The following TTC27 variants were observed in gnomAD, a reference collection of about 807,000 sequenced individuals.
TTC27 encodes tetratricopeptide repeat domain 27, also known as tetratricopeptide repeat protein 27.
Under a neutral mutation model 115.9 loss-of-function variants are expected in TTC27, and 79 were observed. The ratio of observed to expected loss-of-function variants is 0.68; its 90% confidence interval spans 0.57 to 0.82. TTC27 has a LOEUF of 0.82. TTC27 is among the 40% of genes least tolerant of loss of function. The probability of loss-of-function intolerance (pLI) is 0.00; values close to 1 mark genes in which losing one functional copy is unlikely to be tolerated. For missense variants in TTC27, 1,054 were observed against 993.1 expected (o/e 1.06, Z -0.82); for synonymous variants, 401 against 356.0 (o/e 1.13, Z -1.42).
At chr2:32,694,301 A>G (rs906362861) in intron 9 of TTC27, among the ~76,000 whole-genome samples, 1 of 152,254 alleles carries the variant, frequency 6.6e-6, no homozygotes, top group African/African-American at 2.4e-5. Context: ...ATAATTAACT[A>G]TACAGAAACA....
intron 5 of TTC27, among the ~76,000 whole-genome samples, chr2:32,654,481 C>T (rs1010049047): frequency 1.3e-5 from 2 of 152,040 alleles, no homozygotes; most frequent in East Asian, 3.8e-4. Flanking sequence ...TATATGCATA[C>T]ACCTGTGAAA....
At chr2:32,819,660 AT>A (rs1671615571) in intron 19 of TTC27, among the ~76,000 whole-genome samples, 1 of 151,998 alleles carries the variant, frequency 6.6e-6, no homozygotes, top group Non-Finnish European at 1.5e-5. Context: ...CACCTAACAA[AT>A]CATCCAGTCC....
intron 16 of TTC27, among the ~76,000 whole-genome samples, chr2:32,803,577 A>G (rs778060681): frequency 1.3e-5 from 2 of 152,282 alleles, no homozygotes; most frequent in Admixed American, 6.5e-5. Context: ...TTTTCAGATC[A>G]TTAACTTTCT....
chr2:32,819,948 C>G (rs13415289), intron 19 of TTC27, among the ~76,000 whole-genome samples: 32,184 of 152,132 alleles, frequency 0.21, 3,450 homozygotes, highest in Admixed American at 0.26. Flanking sequence ...AACGCACACA[C>G]AAAAACCAAA....
intron 10 of TTC27, among the ~76,000 whole-genome samples, chr2:32,708,892 T>A (rs1242889940): frequency 6.6e-6 from 1 of 152,130 alleles, no homozygotes; most frequent in Non-Finnish European, 1.5e-5. Context: ...ACATACAAAA[T>A]ATGTGTTAAT....
chr2:32,794,442 C>A (rs927489896), intron 16 of TTC27, among the ~76,000 whole-genome samples: 2 of 151,910 alleles, frequency 1.3e-5, no homozygotes, highest in Non-Finnish European at 2.9e-5. Context: ...TAGGACACAG[C>A]GAAAGCATTG....
intron 9 of TTC27, among the ~76,000 whole-genome samples, chr2:32,692,991 T>C (rs1386164533): frequency 6.7e-6 from 1 of 149,090 alleles, no homozygotes; most frequent in African/African-American, 2.5e-5. Context: ...AAAAAAAAAA[T>C]CTATAAAACA....
chr2:32,817,347 G>A, intron 18 of TTC27, 110 bp from the exon 19 acceptor site: 1 of 807,288 alleles, frequency 1.2e-6, no homozygotes, highest in East Asian at 2.7e-5. Context: ...AGGTAGAAGT[G>A]TTTCTAAAGT....
chr2:32,721,390 G>C (rs750692699), intron 10 of TTC27, among the ~76,000 whole-genome samples: 1 of 152,132 alleles, frequency 6.6e-6, no homozygotes. Context: ...GGATTCAGGG[G>C]TTCAAAGAGA....
chr2:32,661,251 G>T (rs1334654942), intron 5 of TTC27, among the ~76,000 whole-genome samples: 2 of 152,088 alleles, frequency 1.3e-5, no homozygotes, highest in African/African-American at 4.8e-5. Context: ...TGGCTATACG[G>T]GCTCTTTTTG....
At chr2:32,728,766 A>G (rs565342365) in intron 10 of TTC27, among the ~76,000 whole-genome samples, 2 of 152,204 alleles carry the variant, frequency 1.3e-5, no homozygotes, top group South Asian at 4.1e-4. Flanking sequence ...TGGGTTCACA[A>G]TAAGTTTAAT....
intron 10 of TTC27, 101 bp downstream of exon 10, chr2:32,703,021 TTCAC>T: frequency 2.5e-6 from 2 of 808,474 alleles, no homozygotes; most frequent in Non-Finnish European, 4.1e-6. Context: ...TGGCTTACAT[TTCAC>T]TCAAATAATT....
intron 5 of TTC27, among the ~76,000 whole-genome samples, chr2:32,655,225 C>T (rs546508989): frequency 6.6e-6 from 1 of 152,058 alleles, no homozygotes; most frequent in African/African-American, 2.4e-5. Context: ...AGTCTGATCT[C>T]ATGATCTGCT....
chr2:32,713,893 G>A (rs1160607814), intron 10 of TTC27, among the ~76,000 whole-genome samples: 1 of 152,114 alleles, frequency 6.6e-6, no homozygotes, highest in Non-Finnish European at 1.5e-5. Context: ...TACCTGATAA[G>A]TAATTTTTCA....
chr2:32,775,398 C>T (rs1023225522), intron 13 of TTC27, among the ~76,000 whole-genome samples: 14 of 152,122 alleles, frequency 9.2e-5, no homozygotes, highest in African/African-American at 3.1e-4. Context: ...TGGGGTTTCA[C>T]CGTGTTAGCC....
At chr2:32,820,448 T>A (rs1268177977) in intron 19 of TTC27, among the ~76,000 whole-genome samples, 1 of 152,206 alleles carries the variant, frequency 6.6e-6, no homozygotes, top group Non-Finnish European at 1.5e-5. Context: ...TTTATATGAA[T>A]TTGAACATAG....
At chr2:32,782,188 T>C (rs1670200606) in intron 14 of TTC27, among the ~76,000 whole-genome samples, 1 of 152,178 alleles carries the variant, frequency 6.6e-6, no homozygotes, top group Admixed American at 6.5e-5. Context: ...ATGGATGAAA[T>C]ACTTAGTAGT....
chr2:32,789,380 A>G (rs1302112214), intron 16 of TTC27, among the ~76,000 whole-genome samples: 2 of 152,210 alleles, frequency 1.3e-5, no homozygotes, highest in East Asian at 3.8e-4. Context: ...CTCAGGATGA[A>G]AAAACATTCT....
chr2:32,646,676 G>A (rs1664875521), intron 4 of TTC27, among the ~76,000 whole-genome samples: 1 of 145,804 alleles, frequency 6.9e-6, no homozygotes, highest in Non-Finnish European at 1.5e-5. Flanking sequence ...CCATTCTCCT[G>A]CCTCAGCCCC....
Sources: allele counts gnomAD v4.1 joint callset (sites outside exome capture counted in the v4.1 genomes callset), GRCh38; gene constraint gnomAD v4.1.1; transcripts MANE v1.5; gene names NCBI Gene and HGNC (gene_info 2026-07-23, HGNC 2026-07-21).